Variants in GABBR2 observed in about 807,000 individuals in gnomAD.
GABBR2 encodes the protein gamma-aminobutyric acid type B receptor subunit 2, also known as G-protein coupled receptor 51.
A neutral mutation model predicts 105.6 loss-of-function variants in GABBR2; 23 were observed. That is an observed-to-expected ratio of 0.22 (90% CI 0.16 to 0.31). GABBR2 has a LOEUF of 0.31. Among genes scored for constraint, GABBR2 ranks in the 10% least tolerant of loss-of-function variants. The probability of loss-of-function intolerance (pLI) is 1.00; values close to 1 mark genes in which losing one functional copy is unlikely to be tolerated. For synonymous variants in GABBR2, 478 were observed against 499.7 expected, an observed-to-expected ratio of 0.96 and a Z score of 0.58; for missense variants, 734 against 1,245.5, an observed-to-expected ratio of 0.59 and a Z score of 6.18.
At chr9:98,662,322 C>T (rs191364596) in intron 1 of GABBR2, among the ~76,000 whole-genome samples, 8 of 152,232 alleles carry the variant, frequency 5.3e-5, no homozygotes, top group South Asian at 2.1e-4. Context: ...GGCACTATCA[C>T]AGGCATTTGA....
chr9:98,648,801 G>A (rs970400404), intron 1 of GABBR2, among the ~76,000 whole-genome samples: 2 of 152,162 alleles, frequency 1.3e-5, no homozygotes, highest in Non-Finnish European at 2.9e-5. Context: ...CCCTTCCCCA[G>A]AGGACTCAGT....
At chr9:98,341,233 C>T (rs1226179148) in intron 13 of GABBR2, among the ~76,000 whole-genome samples, 2 of 152,204 alleles carry the variant, frequency 1.3e-5, no homozygotes, top group East Asian at 3.9e-4. Context: ...GCTATTCTGT[C>T]CATACACTGG....
chr9:98,532,688 C>A (rs944667633), intron 3 of GABBR2, among the ~76,000 whole-genome samples: 2 of 152,282 alleles, frequency 1.3e-5, no homozygotes, highest in Admixed American at 1.3e-4. Flanking sequence ...TAAAGCTGAG[C>A]CCATCCCACA....
chr9:98,382,529 G>T (rs1224449635), intron 11 of GABBR2, among the ~76,000 whole-genome samples: 5 of 152,108 alleles, frequency 3.3e-5, no homozygotes, highest in Non-Finnish European at 7.4e-5. Flanking sequence ...TGGCCAGGTT[G>T]GTCTTGAACT....
chr9:98,528,761 C>T lies in GABBR2; in HGVS notation c.630+13112G>A, dbSNP rs901187956. On this transcript the variant is annotated intron_variant, in intron 3 of 18. Coordinates refer to ENST00000259455, the MANE Select transcript of GABBR2 (RefSeq NM_005458.8). ...AAAAAATGCAAATTAAAATAGCAAT[C>T]GCCAAAAATCAGAAAAGAATAATAC... Among the ~76,000 whole-genome samples, 18 of 152,166 alleles carry T rather than the reference C, an allele frequency of 1.2e-4. No individual in the cohort carries two copies. The East Asian group carries it at 2.5e-3, about 21-fold the overall frequency.
At chr9:98,329,271 T>C (rs983809363) in intron 13 of GABBR2, among the ~76,000 whole-genome samples, 1 of 152,252 alleles carries the variant, frequency 6.6e-6, no homozygotes, top group Non-Finnish European at 1.5e-5. Flanking sequence ...GTCACCTATC[T>C]GACTCTGAAA....
intron 1 of GABBR2, among the ~76,000 whole-genome samples, chr9:98,639,141 T>TC (rs1588263938): frequency 6.6e-6 from 1 of 152,150 alleles, no homozygotes; most frequent in East Asian, 1.9e-4. Flanking sequence ...CCTCCTTTCC[T>TC]CCTTCCAGAA....
rs1588139596 is a variant in GABBR2, at chr9:98,396,499, C to T, written c.1298-2244G>A. ...AAACAGGGGCTGTAAAAGTCACTTC[C>T]TTCTCCCCACAAGGGTCCTCGCCAT... is the stretch of plus-strand genomic sequence containing the variant. On this transcript the variant is annotated intron_variant, in intron 8 of 18. Coordinates refer to ENST00000259455, the MANE Select transcript of GABBR2 (RefSeq NM_005458.8). 7.9e-5 allele frequency among the ~76,000 whole-genome samples: 12 copies of T among 152,294 alleles called. 1 individual carries two copies. In the South Asian group the frequency reaches 2.3e-3, roughly 29 times the overall value.
At chr9:98,513,060 A>C (rs906275838) in intron 3 of GABBR2, among the ~76,000 whole-genome samples, 44 of 152,308 alleles carry the variant, frequency 2.9e-4, no homozygotes, top group Admixed American at 8.5e-4. Context: ...AAACAGAGAT[A>C]TAGACCAATG....
intron 1 of GABBR2, among the ~76,000 whole-genome samples, chr9:98,629,118 C>A (rs1564135264): frequency 6.6e-6 from 1 of 152,172 alleles, no homozygotes; most frequent in Non-Finnish European, 1.5e-5. Context: ...TGGTACAAAA[C>A]ACTAAAGTTA....
chr9:98,521,179 T>G (rs1827857978), intron 3 of GABBR2, among the ~76,000 whole-genome samples: 1 of 152,172 alleles, frequency 6.6e-6, no homozygotes, highest in Non-Finnish European at 1.5e-5. Context: ...TAGGGGGGAA[T>G]CTGCTTCAGC....
chr9:98,410,381 T>C (rs995743841), intron 7 of GABBR2, among the ~76,000 whole-genome samples: 24 of 151,894 alleles, frequency 1.6e-4, no homozygotes, highest in Non-Finnish European at 2.5e-4. Flanking sequence ...TACACTCTCC[T>C]CCTTGTGGCA....
At chr9:98,514,446 A>G (rs183504098) in intron 3 of GABBR2, among the ~76,000 whole-genome samples, 12,428 of 140,768 alleles carry the variant, frequency 0.088, 1,088 homozygotes, top group African/African-American at 0.12. Flanking sequence ...TGGCACATAC[A>G]CACCATGGAA....
Position 98,388,743 on chromosome 9 carries a change from C to A in GABBR2, c.1529+111G>T, listed in dbSNP as rs544458274. The stretch of plus-strand genomic sequence containing the variant: ...GGAGGAACACTTTGGGAAACTCTGC[C>A]CTGCAGACTTCTGTGTCCCTGGGGA... On this transcript the variant is annotated intron_variant, in intron 10 of 18. Coordinates refer to ENST00000259455, the MANE Select transcript of GABBR2 (RefSeq NM_005458.8). This position sits in a 1 kb window ranked among gnomAD's most constrained non-coding sequence, Gnocchi z 4.4. 9 of 850,262 alleles carry A rather than the reference C, an allele frequency of 1.1e-5. No individual in the cohort carries two copies. Among genetic ancestry groups the A allele is most frequent in the Non-Finnish European group, 1.3e-5 (7 of 549,084 alleles). The allele number at this position is 850,262 out of a possible 1,614,324, so 52.7% of individuals were successfully genotyped here.
intron 4 of GABBR2, among the ~76,000 whole-genome samples, chr9:98,492,787 C>T (rs1253057062): frequency 6.6e-6 from 1 of 152,160 alleles, no homozygotes; most frequent in Non-Finnish European, 1.5e-5. Flanking sequence ...AAGAAGACCA[C>T]AGAGGTAAAG....
intron 10 of GABBR2, among the ~76,000 whole-genome samples, chr9:98,386,548 C>T (rs536252505): frequency 4.4e-4 from 67 of 152,284 alleles, no homozygotes; most frequent in African/African-American, 6.0e-4. Context: ...TACTTCCAGA[C>T]GCTGCATCCT....
chr9:98,384,041 C>T lies in GABBR2; in HGVS notation c.1662+1599G>A, dbSNP rs73655419. Among the ~76,000 whole-genome samples, 853 of 152,232 alleles carry T rather than the reference C, an allele frequency of 5.6e-3. 11 individuals are homozygous for T. The highest frequency in any genetic ancestry group is 0.02 in the African/African-American group (824 of 41,544). The stretch of plus-strand genomic sequence containing the variant: ...AAAAAAGGGCCCACAGTGCTCTCAA[C>T]GTCTTGAAAGAAAACAGCACCAACA... On this transcript the variant is annotated intron_variant, in intron 11 of 18. Transcript: ENST00000259455.
intron 11 of GABBR2, among the ~76,000 whole-genome samples, chr9:98,379,331 C>T (rs1331038940): frequency 1.3e-5 from 2 of 152,166 alleles, no homozygotes; most frequent in African/African-American, 2.4e-5. Flanking sequence ...TACAGTGGCA[C>T]GATCTTGGCT....
chr9:98,406,481 G>T (rs1832492682), intron 7 of GABBR2, among the ~76,000 whole-genome samples: 1 of 152,250 alleles, frequency 6.6e-6, no homozygotes, highest in African/African-American at 2.4e-5. Context: ...CTGGAAAGAT[G>T]ACGGCAAAGG....
Sources: gnomAD v4.1 joint callset for allele counts (sites outside exome capture counted in the v4.1 genomes callset) on GRCh38, gnomAD v4.1.1 for gene constraint, Gnocchi (gnomAD v3.1) non-coding constraint, MANE v1.5 for transcripts, NCBI Gene and HGNC (gene_info 2026-07-23, HGNC 2026-07-21) for gene names.